Variants in MGAT4C observed in about 807,000 individuals in gnomAD.
The protein encoded by MGAT4C is alpha-1,3-mannosyl-glycoprotein 4-beta-N-acetylglucosaminyltransferase C.
Under a neutral mutation model 40.1 loss-of-function variants are expected in MGAT4C, and 19 were observed. That is an observed-to-expected ratio of 0.47 (90% CI 0.33 to 0.70). The LOEUF (loss-of-function observed/expected upper bound fraction) is 0.70, where lower values mean the gene tolerates loss of function less well. Ranked by LOEUF, MGAT4C falls within the 30% of genes least tolerant of loss-of-function variation. MGAT4C has a pLI of 0.02. For synonymous variants in MGAT4C, 181 were observed against 187.1 expected (o/e 0.97, Z 0.27); for missense variants, 491 against 563.2 (o/e 0.87, Z 1.30).
At chr12:86,390,244 C>T (rs1956139298) in intron 3 of MGAT4C, among the ~76,000 whole-genome samples, 2 of 152,118 alleles carry the variant, frequency 1.3e-5, no homozygotes, top group Admixed American at 6.5e-5. Context: ...TAATACAACA[C>T]TATTGTTGTA....
intron 1 of MGAT4C, among the ~76,000 whole-genome samples, chr12:86,177,729 G>A (rs1490960839): frequency 6.6e-6 from 1 of 151,888 alleles, no homozygotes; most frequent in African/African-American, 2.4e-5. Context: ...TGATTACAGT[G>A]TCTAATATAA....
intron 2 of MGAT4C, among the ~76,000 whole-genome samples, chr12:86,634,626 T>C (rs1311022372): frequency 1.3e-5 from 2 of 152,022 alleles, no homozygotes; most frequent in Non-Finnish European, 2.9e-5. Flanking sequence ...CCTATTTTCT[T>C]GCTGGCTACC....
rs188124301 is a variant in MGAT4C at position 86,120,259 on chromosome 12, T to C, written c.-56-70536A>G. ...TTTAATTATACTTTAAGTTCGAGGG[T>C]ACATGTGCACAATGGGCAGATTTTT... On this transcript the variant is annotated intron_variant, in intron 1 of 4. Transcript: ENST00000611864. Among the ~76,000 whole-genome samples, 146 of 152,156 alleles carry C rather than the reference T, an allele frequency of 9.6e-4. No homozygotes were observed. The Middle Eastern group carries it at 0.014, about 14-fold the overall frequency.
At position 86,303,618 on chromosome 12, in the gene MGAT4C, C is replaced by A. The variant is rs1034768590; in HGVS notation, c.-57+30447G>T. Among the ~76,000 whole-genome samples the A allele has an allele frequency of 6.0e-5, 9 of 149,544 alleles. 2 individuals are homozygous for A. Among genetic ancestry groups the A allele is most frequent in the African/African-American group, 2.0e-4 (8 of 39,424 alleles). On this transcript the variant is annotated intron_variant, in intron 4 of 7. Coordinates refer to the MGAT4C transcript ENST00000548651. Reference sequence around the variant, plus strand: ...GTTTAAAAAAAAATCAAATTCTTTTCTCTGGCCTCATCAAGCTATGTAACC... The same window carrying A: ...GTTTAAAAAAAAATCAAATTCTTTTATCTGGCCTCATCAAGCTATGTAACC...
intron 1 of MGAT4C, among the ~76,000 whole-genome samples, chr12:86,812,996 T>C (rs1241862235): frequency 2.0e-5 from 3 of 152,068 alleles, no homozygotes; most frequent in Non-Finnish European, 4.4e-5. Flanking sequence ...TTTTACTAGG[T>C]TTCAGGTCAA....
intron 2 of MGAT4C, among the ~76,000 whole-genome samples, chr12:86,568,892 T>C (rs979547831): frequency 1.3e-5 from 2 of 151,812 alleles, no homozygotes; most frequent in African/African-American, 4.8e-5. Flanking sequence ...AGAATTAACA[T>C]AGAACCCAAC....
intron 1 of MGAT4C, among the ~76,000 whole-genome samples, chr12:86,772,925 T>G (rs1951663827): frequency 6.6e-6 from 1 of 152,110 alleles, no homozygotes; most frequent in East Asian, 1.9e-4. Context: ...AAATGGCATT[T>G]AAATGAGATT....
At chr12:86,589,296 A>G (rs1961216598) in intron 2 of MGAT4C, among the ~76,000 whole-genome samples, 1 of 151,782 alleles carries the variant, frequency 6.6e-6, no homozygotes, top group Non-Finnish European at 1.5e-5. Flanking sequence ...TAAACTAGAA[A>G]ATCTAGAAGA....
chr12:86,608,205 C>T (rs942606874), intron 2 of MGAT4C, among the ~76,000 whole-genome samples: 12 of 152,002 alleles, frequency 7.9e-5, no homozygotes, highest in Non-Finnish European at 1.8e-4. Flanking sequence ...TGATAAAGTC[C>T]ATAATGGAAA....
At chr12:86,178,761 G>C (rs918432819) in intron 1 of MGAT4C, among the ~76,000 whole-genome samples, 1 of 152,074 alleles carries the variant, frequency 6.6e-6, no homozygotes, top group African/African-American at 2.4e-5. Context: ...AAATTAGCTT[G>C]TCATTTCATT....
chr12:86,525,501 G>A (rs1340839377), intron 2 of MGAT4C, among the ~76,000 whole-genome samples: 5 of 152,134 alleles, frequency 3.3e-5, no homozygotes, highest in African/African-American at 4.8e-5. Flanking sequence ...TTGTTTGGAG[G>A]AAAAAAGATA....
chr12:86,231,570 T>C (rs1951325246), intron 1 of MGAT4C, among the ~76,000 whole-genome samples: 1 of 152,192 alleles, frequency 6.6e-6, no homozygotes, highest in Admixed American at 6.5e-5. Flanking sequence ...TTTATATTAC[T>C]AAGTAGAACT....
intron 2 of MGAT4C, among the ~76,000 whole-genome samples, chr12:86,707,528 CTTT>C (rs755566527): frequency 6.0e-5 from 8 of 132,784 alleles, no homozygotes; most frequent in African/African-American, 2.8e-5. Flanking sequence ...TTTTTCTTTT[CTTT>C]TTTTTTTTTT....
intron 1 of MGAT4C, among the ~76,000 whole-genome samples, chr12:86,065,112 A>C (rs1894405185): frequency 6.6e-6 from 1 of 152,220 alleles, no homozygotes; most frequent in Admixed American, 6.5e-5. Context: ...ACAGATTCAC[A>C]GCTGCATTCT....
At chr12:86,035,742 T>C (rs781393242) in intron 2 of MGAT4C, among the ~76,000 whole-genome samples, 2 of 149,974 alleles carry the variant, frequency 1.3e-5, no homozygotes, top group Non-Finnish European at 1.5e-5. Context: ...CCATCTTGGG[T>C]TAATTTTTAT....
At chr12:86,516,104 G>T (rs1958682900) in intron 2 of MGAT4C, among the ~76,000 whole-genome samples, 1 of 151,686 alleles carries the variant, frequency 6.6e-6, no homozygotes, top group Non-Finnish European at 1.5e-5. Context: ...AAACTGAAAA[G>T]CAGATTCTAA....
intron 1 of MGAT4C, among the ~76,000 whole-genome samples, chr12:86,221,851 T>C (rs1446214529): frequency 6.6e-6 from 1 of 152,260 alleles, no homozygotes; most frequent in Non-Finnish European, 1.5e-5. Context: ...CATGTCTTGT[T>C]CTTTGTTCAA....
At chr12:86,192,065 G>A (rs1479753215) in intron 1 of MGAT4C, among the ~76,000 whole-genome samples, 1 of 131,472 alleles carries the variant, frequency 7.6e-6, no homozygotes, top group Non-Finnish European at 1.6e-5. Context: ...GACACAGGAA[G>A]GGGAACATCA....
intron 2 of MGAT4C, among the ~76,000 whole-genome samples, chr12:86,617,562 C>G (rs1232712543): frequency 6.6e-6 from 1 of 152,142 alleles, no homozygotes; most frequent in East Asian, 1.9e-4. Flanking sequence ...GTGGCAGATG[C>G]CTGTAGTCCC....
Sources: allele counts gnomAD v4.1 joint callset (sites outside exome capture counted in the v4.1 genomes callset), GRCh38; gene constraint gnomAD v4.1.1; transcripts MANE v1.5; gene names NCBI Gene and HGNC (gene_info 2026-07-23, HGNC 2026-07-21).